Variants in SLC27A5 observed in about 807,000 individuals in gnomAD.
SLC27A5 encodes the protein long-chain fatty acid transport protein 5.
SLC27A5 carries 47 observed loss-of-function variants against 63.1 expected under a neutral mutation model. The observed-to-expected ratio is 0.74, with a 90% CI of 0.59 to 0.95. The LOEUF (loss-of-function observed/expected upper bound fraction) is 0.95. Ranked by LOEUF, SLC27A5 falls within the 40% of genes least tolerant of loss-of-function variation. SLC27A5 has a pLI of 0.00. For missense variants in SLC27A5, 940 were observed against 921.0 expected (o/e 1.02, Z -0.27); for synonymous variants, 391 against 403.8 (o/e 0.97, Z 0.38).
chr19:58,511,771 T>C lies in SLC27A5; in HGVS notation c.185A>G (p.His62Arg), dbSNP rs1314150723. 5.8e-6 allele frequency: 9 copies of C among 1,553,546 alleles called. No homozygotes were observed. Among genetic ancestry groups the C allele is most frequent in the East Asian group, 4.8e-5 (2 of 41,416 alleles). Residue 62 changes from histidine to arginine, a missense_variant, in exon 1 of 10, where the codon CAT becomes CGT. Coordinates refer to ENST00000263093, the MANE Select transcript of SLC27A5 (RefSeq NM_012254.3). ...GGCCGCAGCTGCCAGGCTCAGCCCA[T>C]GGGGCACCCAGGGGCCGAGCCAGGG... Reference protein sequence around the residue: ...ARPWLGPWVPHGLSLAAAALA... With the variant: ...ARPWLGPWVPRGLSLAAAALA...
At chr19:58,507,787 G>A (rs2053363956) in intron 3 of SLC27A5, 1 of 152,138 alleles carries the variant, frequency 6.6e-6, no homozygotes, top group African/African-American at 2.4e-5. Flanking sequence ...GCCGCTCTGG[G>A]AATGTCTGTC....
At chr19:58,510,115 C>G in intron 2 of SLC27A5, 110 bp from the exon 3 acceptor site, 2 of 1,115,312 alleles carry the variant, frequency 1.8e-6, no homozygotes, top group Non-Finnish European at 2.5e-6. Context: ...GTTTGAGGCT[C>G]TCAGAGAACA....
intron 3 of SLC27A5, among the ~76,000 whole-genome samples, chr19:58,506,184 C>T (rs1252020250): frequency 6.6e-6 from 1 of 151,994 alleles, no homozygotes; most frequent in East Asian, 1.9e-4. Context: ...GCCTTGGTAC[C>T]CCAAAGTGCA....
chr19:58,511,632 C>T lies in SLC27A5; in HGVS notation c.324G>A (p.Leu108=), dbSNP rs1355652788. 1.3e-6 allele frequency: 2 copies of T among 1,598,070 alleles called. No homozygotes were observed. The highest frequency in any genetic ancestry group is 3.4e-5 in the Admixed American group (2 of 58,710). ...LHLGLKIRGC[L]SRQPPDTFVD... is the part of the protein sequence containing the mutation. ...CAAAGGTGTCAGGCGGCTGCCGGCT[C>T]AAGCATCCCCTGATCTTCAGGCCCA... is the stretch of plus-strand genomic sequence containing the variant. The change falls in exon 1 of 10, where the codon TTG becomes TTA. Residue 108 remains leucine (L), a synonymous_variant. Coordinates refer to ENST00000263093, the MANE Select transcript of SLC27A5 (RefSeq NM_012254.3).
At chr19:58,502,288 CAGTT>C (rs758248802) in intron 3 of SLC27A5, among the ~76,000 whole-genome samples, 26 of 130,946 alleles carry the variant, frequency 2.0e-4, no homozygotes, top group African/African-American at 6.6e-4. Flanking sequence ...GATGGGTGAA[CAGTT>C]AGAGTAGTGA....
intron 3 of SLC27A5, chr19:58,509,639 C>T (rs1026636153): frequency 1.3e-4 from 65 of 499,442 alleles, no homozygotes; most frequent in East Asian, 1.1e-3. Context: ...GTCTTGTCAC[C>T]TCCTGACCAA....
chr19:58,510,443 G>C, intron 2 of SLC27A5: 1 of 406,966 alleles, frequency 2.5e-6, no homozygotes, highest in Non-Finnish European at 4.4e-6. Flanking sequence ...GCATAGTGGT[G>C]TGTGCCTGTA....
At position 58,498,792 on chromosome 19, in the gene SLC27A5, C is replaced by A. The variant is rs1333159763; in HGVS notation, c.1889G>T (p.Arg630Leu). 1 of 1,613,796 alleles carries A rather than the reference C, an allele frequency of 6.2e-7. No individual in the cohort carries two copies. Among genetic ancestry groups the A allele is most frequent in the East Asian group, 2.2e-5 (1 of 44,882 alleles). The change falls in exon 9 of 10, where the codon CGC becomes CTC. Residue 630 changes from arginine (R) to leucine (L), a missense_variant. Coordinates refer to ENST00000263093, the MANE Select transcript of SLC27A5 (RefSeq NM_012254.3). ...LPAYATPHFI[R>L]IQDAMEVTST... ...AGGCCACCCTGGGCTCACCTGGATG[C>A]GGATGAAATGGGGGGTAGCGTAGGC...
Position 58,499,631 on chromosome 19 carries a change from C to G in SLC27A5, c.1528G>C (p.Gly510Arg). The G allele has an allele frequency of 6.2e-7, 1 of 1,612,782 alleles. No homozygotes were observed. Among genetic ancestry groups the G allele is most frequent in the Non-Finnish European group, 8.5e-7 (1 of 1,180,004 alleles). The change falls in exon 7 of 10, where the codon GGC becomes CGC. Residue 510 changes from glycine (G) to arginine (R), a missense_variant. Coordinates refer to ENST00000263093, the MANE Select transcript of SLC27A5 (RefSeq NM_012254.3). ...VSQQPFVGYR[G>R]PRELSERKLV... The stretch of plus-strand genomic sequence containing the variant: ...TTCCGTTCCGACAGCTCTCGGGGGC[C>G]GCGGTAGCCCACGAAGGGTTGCTGG...
intron 3 of SLC27A5, among the ~76,000 whole-genome samples, chr19:58,505,576 G>A (rs1233429767): frequency 6.7e-6 from 1 of 150,026 alleles, no homozygotes; most frequent in Non-Finnish European, 1.5e-5. Flanking sequence ...GGGCGCAGTG[G>A]CTCACGCCTG....
At chr19:58,499,863 C>T (rs762772308) in intron 6 of SLC27A5, among the ~76,000 whole-genome samples, 173 bp from the exon 7 acceptor site, 21 of 151,940 alleles carry the variant, frequency 1.4e-4, no homozygotes, top group South Asian at 2.1e-4. Context: ...TGAGAGACTG[C>T]GACAAGCGAC....
chr19:58,500,311 C>G, intron 6 of SLC27A5, 28 bp downstream of exon 6: 1 of 1,597,082 alleles, frequency 6.3e-7, no homozygotes, highest in Middle Eastern at 1.7e-4. Context: ...ACCCCTGCCA[C>G]CCAGGAAAGG....
At chr19:58,502,698 G>A (rs1432207790) in intron 3 of SLC27A5, among the ~76,000 whole-genome samples, 2 of 150,760 alleles carry the variant, frequency 1.3e-5, no homozygotes, top group African/African-American at 4.9e-5. Context: ...TAGATGGATG[G>A]GTGGACAGTT....
chr19:58,500,060 C>T (rs1301031773), intron 6 of SLC27A5, among the ~76,000 whole-genome samples: 1 of 151,998 alleles, frequency 6.6e-6, no homozygotes, highest in Non-Finnish European at 1.5e-5. Flanking sequence ...GCTGGAATGC[C>T]GTCTTCCACA....
At chr19:58,501,139 C>A (rs1861724272) in intron 4 of SLC27A5, 147 bp downstream of exon 4, 1 of 1,273,126 alleles carries the variant, frequency 7.9e-7, no homozygotes, top group Non-Finnish European at 1.1e-6. Flanking sequence ...TTATTGGAAG[C>A]CTTGTCTGAA....
At chr19:58,499,895 T>C (rs1288400584) in intron 6 of SLC27A5, among the ~76,000 whole-genome samples, 1 of 151,658 alleles carries the variant, frequency 6.6e-6, no homozygotes, top group East Asian at 1.9e-4. Flanking sequence ...GAGAGAAGTA[T>C]AGAGAAGGCG....
chr19:58,510,998 G>A (rs1323301371), intron 1 of SLC27A5, 68 bp from the exon 2 acceptor site: 1 of 1,326,262 alleles, frequency 7.5e-7, no homozygotes, highest in East Asian at 2.4e-5. Flanking sequence ...CGGGATCTGA[G>A]ACCCACAGAT....
At chr19:58,504,937 C>T (rs535822027) in intron 3 of SLC27A5, among the ~76,000 whole-genome samples, 237 of 149,936 alleles carry the variant, frequency 1.6e-3, no homozygotes, top group African/African-American at 5.2e-3. Flanking sequence ...ACCCAGGAGG[C>T]GGAGCTTGCC....
At chr19:58,510,082 C>G in intron 2 of SLC27A5, 77 bp from the exon 3 acceptor site, 1 of 1,453,664 alleles carries the variant, frequency 6.9e-7, no homozygotes, top group Non-Finnish European at 9.4e-7. Context: ...GGATAGATCT[C>G]CAACAGCCAG....
Sources: allele counts gnomAD v4.1 joint callset (sites outside exome capture counted in the v4.1 genomes callset), GRCh38; gene constraint gnomAD v4.1.1; transcripts MANE v1.5; gene names NCBI Gene and HGNC (gene_info 2026-07-23, HGNC 2026-07-21).